BDP1: variants seen among roughly 807,000 people sequenced by gnomAD.
BDP1 encodes the protein transcription factor TFIIIB component B'' homolog.
Under a neutral mutation model 266.6 loss-of-function variants are expected in BDP1, and 169 were observed. The observed-to-expected ratio is 0.63, with a 90% CI of 0.56 to 0.72. The LOEUF is 0.72. Among genes scored for constraint, BDP1 ranks in the 30% least tolerant of loss-of-function variants. The probability of loss-of-function intolerance (pLI) is 0.00; values close to 1 mark genes in which losing one functional copy is unlikely to be tolerated. For synonymous variants in BDP1, 1,090 were observed against 1,022.4 expected (o/e 1.07, Z -1.26); for missense variants, 3,015 against 3,053.8 (o/e 0.99, Z 0.30).
intron 7 of BDP1, among the ~76,000 whole-genome samples, chr5:71,477,624 CTT>C (rs763593620): frequency 3.5e-5 from 5 of 143,314 alleles, no homozygotes; most frequent in Admixed American, 7.0e-5. Context: ...CAAATTTTTT[CTT>C]TTTTTTTTTT....
At chr5:71,552,528 C>G (rs1328753692) in intron 34 of BDP1, among the ~76,000 whole-genome samples, 1 of 152,246 alleles carries the variant, frequency 6.6e-6, no homozygotes, top group Non-Finnish European at 1.5e-5. Context: ...AGCCTGGGCA[C>G]CATTGAGCAC....
intron 5 of BDP1, among the ~76,000 whole-genome samples, 199 bp from the exon 6 acceptor site, chr5:71,467,155 C>T (rs2150358490): frequency 6.6e-6 from 1 of 152,240 alleles, no homozygotes; most frequent in African/African-American, 2.4e-5. Flanking sequence ...AATGAGTTGA[C>T]ATTTCTTTCT....
At chr5:71,470,986 CTTT>C (rs1421288287) in intron 7 of BDP1, among the ~76,000 whole-genome samples, 1 of 151,026 alleles carries the variant, frequency 6.6e-6, no homozygotes, top group Non-Finnish European at 1.5e-5. Context: ...GTATAATCTT[CTTT>C]ATGTTAGTTT....
intron 36 of BDP1, among the ~76,000 whole-genome samples, chr5:71,557,899 C>T (rs1330677968): frequency 6.6e-6 from 1 of 152,036 alleles, no homozygotes; most frequent in Non-Finnish European, 1.5e-5. Context: ...GAGATTTTTT[C>T]AGGCTTAAGC....
rs758895091 is a variant in BDP1 at position 71,542,243 on chromosome 5, G to A, written c.6390G>A (p.Gly2130=). 6.8e-6 allele frequency: 11 copies of A among 1,609,502 alleles called. No individual in the cohort carries two copies. The highest frequency in any genetic ancestry group is 1.6e-4 in the Middle Eastern group (1 of 6,072). Residue 2130 remains glycine (G), a synonymous_variant, in exon 30 of 39, where the codon GGG becomes GGA. Coordinates refer to ENST00000358731, the MANE Select transcript of BDP1 (RefSeq NM_018429.3). ...TTTCCAGTTTGTGTGTAACCAAAGG[G>A]GCAGAAATGGAAACTCAAAGAGGTA... ...QEVSSLCVTK[G]AEMETQRETE... is the part of the protein sequence containing the mutation.
In BDP1 at chr5:71,511,936, TTC is replaced by T. The variant is rs940061965; in HGVS notation, c.4060-303_4060-302del. On this transcript the variant is annotated intron_variant, in intron 17 of 38. Coordinates refer to ENST00000358731, the MANE Select transcript of BDP1 (RefSeq NM_018429.3). ...ACCTGACTTACTTCACTTCTAAAAGTTCTTTTTGTTTTTTCAAGTTACTTTGA... is the reference window on the plus strand; with the variant it reads ...ACCTGACTTACTTCACTTCTAAAAGTTTTTTGTTTTTTCAAGTTACTTTGA... Among the ~76,000 whole-genome samples the T allele has an allele frequency of 1.1e-4, 17 of 152,220 alleles. 1 individual carries two copies. The highest frequency in any genetic ancestry group is 5.9e-4 in the Admixed American group (9 of 15,294).
chr5:71,484,228 A>G (rs531473972), intron 8 of BDP1, among the ~76,000 whole-genome samples: 1 of 152,292 alleles, frequency 6.6e-6, no homozygotes, highest in Admixed American at 6.5e-5. Flanking sequence ...ACTATTAGTT[A>G]TATAGATGGT....
intron 25 of BDP1, among the ~76,000 whole-genome samples, chr5:71,528,211 G>A (rs1319532391): frequency 6.6e-6 from 1 of 152,184 alleles, no homozygotes; most frequent in Non-Finnish European, 1.5e-5. Context: ...CCTATCAACA[G>A]TGTACAAGCA....
chr5:71,525,323 T>C (rs1765743239), intron 25 of BDP1, among the ~76,000 whole-genome samples: 1 of 125,388 alleles, frequency 8.0e-6, no homozygotes, highest in African/African-American at 3.0e-5. Flanking sequence ...GGCTCCTCAC[T>C]TCCCAGTAGG....
At chr5:71,530,525 T>C (rs1766177247) in intron 25 of BDP1, among the ~76,000 whole-genome samples, 1 of 152,016 alleles carries the variant, frequency 6.6e-6, no homozygotes, top group Non-Finnish European at 1.5e-5. Flanking sequence ...ATTACAGGCA[T>C]GAGCTACCGT....
chr5:71,522,440 G>A lies in BDP1; in HGVS notation c.5143G>A (p.Glu1715Lys). Residue 1715 changes from glutamate to lysine, a missense_variant, in exon 23 of 39, where the codon GAA (glutamate) becomes AAA (lysine). Coordinates refer to ENST00000358731, the MANE Select transcript of BDP1 (RefSeq NM_018429.3). Reference sequence around the variant, plus strand: ...AGATCAGAGCAAGGAAGGCAAGCCAGAAGATCATTTGCTGCAGAAAGGAGC... The same window carrying A: ...AGATCAGAGCAAGGAAGGCAAGCCAAAAGATCATTTGCTGCAGAAAGGAGC... ...TTDQSKEGKP[E>K]DHLLQKGASN... The A allele has an allele frequency of 6.2e-7, 1 of 1,612,268 alleles. No homozygotes were observed. Among genetic ancestry groups the A allele is most frequent in the Non-Finnish European group, 8.5e-7 (1 of 1,179,666 alleles).
chr5:71,538,147 T>C (rs534668410), intron 26 of BDP1, among the ~76,000 whole-genome samples: 9 of 152,352 alleles, frequency 5.9e-5, no homozygotes, highest in Non-Finnish European at 8.8e-5. Context: ...AAACCAACCT[T>C]GCTTCCCCAG....
At position 71,509,700 on chromosome 5, in the gene BDP1, A is replaced by G. The variant is rs1339471014; in HGVS notation, c.2608A>G (p.Met870Val). 1.9e-6 allele frequency: 3 copies of G among 1,613,732 alleles called. No individual in the cohort carries two copies. In the African/African-American group the frequency reaches 4.0e-5, roughly 22 times the overall value. ...ACCAGCAGAGATTAATACTAAAGAA[A>G]TGCAGTCAGATTTAAAAGAAACTGG... ...MVPAEINTKEMQSDLKETGRR... is the reference protein window; with the variant it reads ...MVPAEINTKEVQSDLKETGRR... The change falls in exon 17 of 39, where the codon ATG becomes GTG. Residue 870 changes from methionine to valine, a missense_variant. Coordinates refer to ENST00000358731, the MANE Select transcript of BDP1 (RefSeq NM_018429.3).
At chr5:71,477,140 C>T (rs556440839) in intron 7 of BDP1, among the ~76,000 whole-genome samples, 1 of 152,074 alleles carries the variant, frequency 6.6e-6, no homozygotes, top group Admixed American at 6.5e-5. Context: ...AGCCACCGAG[C>T]CCAGCCTCTT....
intron 19 of BDP1, among the ~76,000 whole-genome samples, chr5:71,514,053 A>G (rs1428400114): frequency 6.6e-6 from 1 of 152,136 alleles, no homozygotes; most frequent in African/African-American, 2.4e-5. Flanking sequence ...TCTCTTGTGA[A>G]GGTGAAATGA....
chr5:71,531,170 T>C (rs1179070438), intron 25 of BDP1, among the ~76,000 whole-genome samples: 1 of 152,160 alleles, frequency 6.6e-6, no homozygotes, highest in Non-Finnish European at 1.5e-5. Flanking sequence ...ACTGTTTTTT[T>C]CTGTTAATAA....
At position 71,509,719 on chromosome 5, in the gene BDP1, A is replaced by G; in HGVS notation, c.2627A>G (p.Glu876Gly). The change falls in exon 17 of 39, where the codon GAA (glutamate) becomes GGA (glycine). Residue 876 changes from glutamate to glycine, a missense_variant. Physicochemically the swap from Glu to Gly is moderately conservative, Grantham distance 98 (BLOSUM62 -2). Coordinates refer to ENST00000358731, the MANE Select transcript of BDP1 (RefSeq NM_018429.3). Reference sequence around the variant, plus strand: ...AAAGAAATGCAGTCAGATTTAAAAGAAACTGGAAGAAGAGCCATTTCTCCC... The same window carrying G: ...AAAGAAATGCAGTCAGATTTAAAAGGAACTGGAAGAAGAGCCATTTCTCCC... Reference protein sequence around the residue: ...NTKEMQSDLKETGRRAISPRE... With the variant: ...NTKEMQSDLKGTGRRAISPRE... 6.2e-7 allele frequency: 1 copy of G among 1,614,098 alleles called. No individual in the cohort carries two copies. Among genetic ancestry groups the G allele is most frequent in the Non-Finnish European group, 8.5e-7 (1 of 1,180,010 alleles).
chr5:71,516,422 ATTTT>A (rs555222717), intron 21 of BDP1, 151 bp downstream of exon 21: 13 of 538,298 alleles, frequency 2.4e-5, no homozygotes, highest in Admixed American at 7.4e-5. Flanking sequence ...GCTCTTCTGG[ATTTT>A]TTTTTTAAGT....
chr5:71,504,516 T>C lies in BDP1; in HGVS notation c.2242-105T>C. The C allele has an allele frequency of 3.0e-6, 3 of 986,826 alleles. No homozygotes were observed. The South Asian group carries it at 5.4e-5, about 18-fold the overall frequency. The allele number at this position is 986,826 out of a possible 1,614,324, so 61.1% of individuals were successfully genotyped here. On this transcript the variant is annotated intron_variant, in intron 15 of 38. Coordinates refer to ENST00000358731, the MANE Select transcript of BDP1 (RefSeq NM_018429.3). ...GTATTTTAAAGTCTCCATTTTATAATGTTGAATTTTTTACCATTTTATACT... is the reference window on the plus strand; with the variant it reads ...GTATTTTAAAGTCTCCATTTTATAACGTTGAATTTTTTACCATTTTATACT...
Sources: gnomAD v4.1 joint callset for allele counts (sites outside exome capture counted in the v4.1 genomes callset) on GRCh38, gnomAD v4.1.1 for gene constraint, MANE v1.5 for transcripts, NCBI Gene and HGNC (gene_info 2026-07-23, HGNC 2026-07-21) for gene names.